PALLD: variants seen among roughly 807,000 people sequenced by gnomAD.
PALLD encodes the protein palladin, cytoskeletal associated protein, also known as palladin.
PALLD carries 61 observed loss-of-function variants against 123.5 expected under a neutral mutation model. The ratio of observed to expected loss-of-function variants is 0.49; its 90% CI spans 0.40 to 0.61. PALLD has a LOEUF of 0.61. Ranked by LOEUF, PALLD falls within the 20% of genes least tolerant of loss-of-function variation. The pLI, the probability that PALLD is intolerant of heterozygous loss-of-function variation, is 0.00. For synonymous variants in PALLD, 465 were observed against 496.4 expected (o/e 0.94, Z 0.84); for missense variants, 1,273 against 1,377.0 (o/e 0.92, Z 1.20).
chr4:168,567,953 A>T (rs910358277), intron 2 of PALLD, among the ~76,000 whole-genome samples: 7 of 152,200 alleles, frequency 4.6e-5, no homozygotes, highest in East Asian at 3.9e-4. Context: ...AAAGTTTTTT[A>T]AAAAAGAAGT....
intron 2 of PALLD, among the ~76,000 whole-genome samples, chr4:168,665,424 G>A (rs936300213): frequency 1.3e-5 from 2 of 152,162 alleles, no homozygotes; most frequent in African/African-American, 4.8e-5. Context: ...GGGACCAGAG[G>A]TACAATATAC....
chr4:168,853,286 CAATGGTCCTT>C (rs1238166108), intron 10 of PALLD, among the ~76,000 whole-genome samples: 5 of 152,118 alleles, frequency 3.3e-5, no homozygotes, highest in Admixed American at 2.0e-4. Flanking sequence ...TACAGATGAT[CAATGGTCCTT>C]CTAGAAGAAG....
At chr4:168,593,440 A>AAAAAAAAAAG (rs1554047277) in intron 2 of PALLD, among the ~76,000 whole-genome samples, 5 of 140,888 alleles carry the variant, frequency 3.5e-5, no homozygotes, top group Non-Finnish European at 6.0e-5. Context: ...ACCAGGCAAA[A>AAAAAAAAAAG]AAAAAAGAAA....
rs867325724 is a variant in PALLD at position 168,745,426 on chromosome 4, G to A, written c.1964+33503G>A. 5.0e-3 allele frequency among the ~76,000 whole-genome samples: 636 copies of A among 125,986 alleles called. 16 individuals are homozygous for A. Among genetic ancestry groups the A allele is most frequent in the African/African-American group, 0.019 (591 of 31,640 alleles). The allele number at this position is 125,986 out of a possible 152,430, so 82.7% of individuals were successfully genotyped here. On this transcript the variant is annotated intron_variant, in intron 10 of 21. Transcript: ENST00000505667. ...TCATTAGTTAGAGTCTGTGAGATGGGAGGGGGGGGCAAATAATGATTCATT... is the reference window on the plus strand; with the variant it reads ...TCATTAGTTAGAGTCTGTGAGATGGAAGGGGGGGGCAAATAATGATTCATT...
intron 10 of PALLD, among the ~76,000 whole-genome samples, chr4:168,765,097 C>G (rs753042963): frequency 5.9e-5 from 9 of 152,176 alleles, no homozygotes; most frequent in Admixed American, 1.3e-4. Context: ...AAAAGTTAGT[C>G]TGAATCTAAT....
At chr4:168,625,500 G>GATAT (rs1554052783) in intron 2 of PALLD, among the ~76,000 whole-genome samples, 1 of 35,220 alleles carries the variant, frequency 2.8e-5, no homozygotes, top group African/African-American at 8.6e-5. Flanking sequence ...TAATATCCAG[G>GATAT]AGATATATAT....
At chr4:168,893,253 G>A (rs1754437778) in intron 11 of PALLD, among the ~76,000 whole-genome samples, 1 of 152,178 alleles carries the variant, frequency 6.6e-6, no homozygotes, top group African/African-American at 2.4e-5. Context: ...TTTGAAAATT[G>A]AATTCACTGA....
rs59055427 is a variant in PALLD at position 168,723,891 on chromosome 4, C to CTTT, written c.1964+11986_1964+11988dup. On this transcript the variant is annotated intron_variant, in intron 10 of 21. Coordinates refer to ENST00000505667, the MANE Select transcript of PALLD (RefSeq NM_001166108.2). The stretch of plus-strand genomic sequence containing the variant: ...CCTCTAAGTACGACTTTGAGTTGGG[C>CTTT]TTTTTTTTTTTTTTTTTTTTCTGGT... Among the ~76,000 whole-genome samples, 497 of 111,732 alleles carry CTTT rather than the reference C, an allele frequency of 4.4e-3. 19 individuals carry two copies. Among genetic ancestry groups the CTTT allele is most frequent in the African/African-American group, 0.016 (449 of 28,010 alleles). 73.3% of individuals were successfully genotyped at this position (111,732 alleles called of 152,430 possible). A position where few individuals can be genotyped will look rare whatever the true frequency, so the allele number is the denominator to read the frequency against.
At chr4:168,594,090 A>G (rs550909988) in intron 2 of PALLD, among the ~76,000 whole-genome samples, 5 of 152,288 alleles carry the variant, frequency 3.3e-5, no homozygotes, top group African/African-American at 1.2e-4. Context: ...TTCTTGAAAT[A>G]ACAAATAAGA....
intron 2 of PALLD, among the ~76,000 whole-genome samples, chr4:168,592,575 C>T (rs1771544337): frequency 6.6e-6 from 1 of 152,158 alleles, no homozygotes; most frequent in South Asian, 2.1e-4. Flanking sequence ...ATAAAATGAT[C>T]TGTTCCTAAA....
intron 10 of PALLD, among the ~76,000 whole-genome samples, chr4:168,874,451 G>A (rs1037861422): frequency 6.6e-5 from 10 of 152,156 alleles, no homozygotes; most frequent in Admixed American, 1.3e-4. Context: ...TGGGGTAGAG[G>A]AGTTATTTTC....
intron 19 of PALLD, 147 bp downstream of exon 19, chr4:168,924,567 T>C (rs1762211816): frequency 2.4e-6 from 2 of 842,892 alleles, no homozygotes; most frequent in Non-Finnish European, 4.0e-6. Context: ...ACAAAAACCA[T>C]GCGTTACCCA....
At chr4:168,552,270 C>T (rs1238829701) in intron 2 of PALLD, among the ~76,000 whole-genome samples, 1 of 152,022 alleles carries the variant, frequency 6.6e-6, no homozygotes, top group Non-Finnish European at 1.5e-5. Context: ...CCAAAGCCAA[C>T]GTGGGGTGAG....
rs771561749 is a variant in PALLD at position 168,519,141 on chromosome 4, A to AAGGGATG, written c.908+6729_908+6730insAGGGATG. Among the ~76,000 whole-genome samples the AAGGGATG allele has an allele frequency of 3.3e-4, 50 of 152,374 alleles. No individual in the cohort carries two copies. The South Asian group carries it at 0.01, about 32-fold the overall frequency. On this transcript the variant is annotated intron_variant, in intron 2 of 21. Coordinates refer to ENST00000505667, the MANE Select transcript of PALLD (RefSeq NM_001166108.2). ...ATTTCAGGCTTACGGATGTAGTAGT[A>AAGGGATG]CAGAGAAATGTGTGGGAATGAGGAA...
At chr4:168,794,506 G>GCACGCA (rs1554083996) in intron 10 of PALLD, among the ~76,000 whole-genome samples, 2 of 143,852 alleles carry the variant, frequency 1.4e-5, no homozygotes, top group South Asian at 2.3e-4. Flanking sequence ...ACACACACAC[G>GCACGCA]CACACACACA....
intron 2 of PALLD, among the ~76,000 whole-genome samples, chr4:168,525,318 A>C (rs1763941089): frequency 1.3e-5 from 2 of 152,268 alleles, no homozygotes; most frequent in African/African-American, 2.4e-5. Context: ...GGAAGCATGA[A>C]GATTGAAGAA....
At position 168,512,236 on chromosome 4, in the gene PALLD, G is replaced by C. The variant is rs751611564; in HGVS notation, c.732G>C (p.Gln244His). 8 of 1,613,936 alleles carry C rather than the reference G, an allele frequency of 5.0e-6. No individual in the cohort carries two copies. The Admixed American group carries it at 1.2e-4, about 24-fold the overall frequency. The change falls in exon 2 of 22, where the codon CAG becomes CAC. Residue 244 changes from glutamine (Q) to histidine (H), a missense_variant. Coordinates refer to ENST00000505667, the MANE Select transcript of PALLD (RefSeq NM_001166108.2). ...VKSPGARHCYQDNQDLAVPHN... is the reference protein window; with the variant it reads ...VKSPGARHCYHDNQDLAVPHN... ...CCCCTGGGGCCAGGCATTGCTACCA[G>C]GACAACCAGGACTTGGCAGTGCCAC...
At chr4:168,736,502 C>G (rs1374876070) in intron 10 of PALLD, among the ~76,000 whole-genome samples, 1 of 152,194 alleles carries the variant, frequency 6.6e-6, no homozygotes, top group Non-Finnish European at 1.5e-5. Context: ...TTCCGAAGTC[C>G]TTTCTGGGAG....
At chr4:168,799,975 A>G (rs1484775328) in intron 10 of PALLD, among the ~76,000 whole-genome samples, 3 of 152,164 alleles carry the variant, frequency 2.0e-5, no homozygotes, top group Non-Finnish European at 4.4e-5. Context: ...TCACACTTAC[A>G]TATTCTTACT....
Sources: allele counts gnomAD v4.1 joint callset (sites outside exome capture counted in the v4.1 genomes callset), GRCh38; gene constraint gnomAD v4.1.1; transcripts MANE v1.5; gene names NCBI Gene and HGNC (gene_info 2026-07-23, HGNC 2026-07-21).